FSTL4: variants seen among roughly 807,000 people sequenced by gnomAD.
The protein encoded by FSTL4 is follistatin like 4.
FSTL4 carries 28 observed loss-of-function variants against 78.2 expected under a neutral mutation model. That is an observed-to-expected ratio of 0.36 (90% CI 0.27 to 0.49). The LOEUF (loss-of-function observed/expected upper bound fraction) is 0.49. FSTL4 is among the 20% of genes least tolerant of loss of function. The pLI, the probability that FSTL4 is intolerant of heterozygous loss-of-function variation, is 0.98. For synonymous variants in FSTL4, 422 were observed against 440.5 expected (o/e 0.96, Z 0.53); for missense variants, 922 against 1,084.9 (o/e 0.85, Z 2.11).
At chr5:133,516,032 G>A (rs980546761) in intron 3 of FSTL4, among the ~76,000 whole-genome samples, 2 of 151,978 alleles carry the variant, frequency 1.3e-5, no homozygotes, top group African/African-American at 4.8e-5. Context: ...ATCAAACCTA[G>A]CGCTATTTTT....
At chr5:133,255,432 C>T (rs567175837) in intron 6 of FSTL4, among the ~76,000 whole-genome samples, 1 of 152,328 alleles carries the variant, frequency 6.6e-6, no homozygotes, top group African/African-American at 2.4e-5. Flanking sequence ...CCCATGATAT[C>T]CCCCTGGGAT....
intron 3 of FSTL4, among the ~76,000 whole-genome samples, chr5:133,495,189 G>A (rs776955073): frequency 1.2e-4 from 19 of 152,182 alleles, no homozygotes; most frequent in Admixed American, 3.9e-4. Context: ...TATGAGAGAT[G>A]GGAGAATCGT....
chr5:133,350,876 A>G (rs1299804268), intron 4 of FSTL4, among the ~76,000 whole-genome samples: 3 of 152,208 alleles, frequency 2.0e-5, no homozygotes, highest in East Asian at 3.8e-4. Flanking sequence ...GAAATTTCAC[A>G]TAACACTTCT....
At chr5:133,532,408 A>G (rs1423885727) in intron 3 of FSTL4, among the ~76,000 whole-genome samples, 2 of 152,218 alleles carry the variant, frequency 1.3e-5, no homozygotes, top group Non-Finnish European at 2.9e-5. Flanking sequence ...TATGTTCAAT[A>G]TCATCTCCAG....
the FSTL4 span, among the ~76,000 whole-genome samples, chr5:133,634,783 T>C: frequency 6.6e-6 from 1 of 152,186 alleles, no homozygotes; most frequent in African/African-American, 2.4e-5. Context: ...AATAACTACA[T>C]GATAAGGTTC....
At chr5:133,591,753 G>A (rs1393217512) in intron 2 of FSTL4, among the ~76,000 whole-genome samples, 1 of 152,104 alleles carries the variant, frequency 6.6e-6, no homozygotes, top group African/African-American at 2.4e-5. Flanking sequence ...ACCAGTCTCT[G>A]GAGAGAACAG....
the FSTL4 span, among the ~76,000 whole-genome samples, chr5:133,728,429 C>A: frequency 2.0e-5 from 3 of 152,140 alleles, no homozygotes; most frequent in Non-Finnish European, 4.4e-5. Context: ...TCAGAAGTAC[C>A]CACACTAGCA....
chr5:133,662,979 AG>A, the FSTL4 span, among the ~76,000 whole-genome samples: 1 of 150,048 alleles, frequency 6.7e-6, no homozygotes, highest in African/African-American at 2.5e-5. Context: ...TTAAAAAAAA[AG>A]GCAGTCTCAA....
At chr5:133,632,423 T>C in the FSTL4 span, among the ~76,000 whole-genome samples, 1 of 152,232 alleles carries the variant, frequency 6.6e-6, no homozygotes, top group Non-Finnish European at 1.5e-5. Context: ...TTTTTCTTCT[T>C]TCTCAATGTT....
chr5:133,733,678 C>T, the FSTL4 span, among the ~76,000 whole-genome samples: 12 of 152,212 alleles, frequency 7.9e-5, no homozygotes, highest in Non-Finnish European at 1.6e-4. Context: ...AGTTATCTAT[C>T]ACTGCATGAC....
At chr5:133,538,766 TTTA>T (rs1561461793) in intron 3 of FSTL4, among the ~76,000 whole-genome samples, 1 of 152,178 alleles carries the variant, frequency 6.6e-6, no homozygotes, top group African/African-American at 2.4e-5. Context: ...CAACACTTAT[TTTA>T]TTATCTTTCA....
intron 3 of FSTL4, among the ~76,000 whole-genome samples, chr5:133,559,747 C>T (rs1759873366): frequency 6.6e-6 from 1 of 152,214 alleles, no homozygotes; most frequent in African/African-American, 2.4e-5. Flanking sequence ...AGAGGTTTAG[C>T]TCATGTGCAT....
intron 4 of FSTL4, among the ~76,000 whole-genome samples, chr5:133,326,398 G>A (rs911078942): frequency 3.3e-5 from 5 of 152,310 alleles, no homozygotes; most frequent in East Asian, 1.9e-4. Context: ...ACTGGAAGTC[G>A]TGCCACTTGG....
chr5:133,524,454 C>G (rs1759048656), intron 3 of FSTL4, among the ~76,000 whole-genome samples: 1 of 152,170 alleles, frequency 6.6e-6, no homozygotes, highest in Admixed American at 6.5e-5. Flanking sequence ...GCGGTGTCAA[C>G]TCTGAGGAGT....
At chr5:133,782,682 A>T in the FSTL4 span, among the ~76,000 whole-genome samples, 1 of 152,228 alleles carries the variant, frequency 6.6e-6, no homozygotes, top group Non-Finnish European at 1.5e-5. Flanking sequence ...TCTCTGTGAC[A>T]CTTAAACATG....
the FSTL4 span, among the ~76,000 whole-genome samples, chr5:133,817,009 C>T: frequency 6.6e-6 from 1 of 152,246 alleles, no homozygotes; most frequent in African/African-American, 2.4e-5. Flanking sequence ...GATACCCAGG[C>T]CCAGGCCCAC....
intron 13 of FSTL4, among the ~76,000 whole-genome samples, chr5:133,210,617 C>T (rs541527147): frequency 1.3e-5 from 2 of 152,102 alleles, no homozygotes; most frequent in South Asian, 2.1e-4. Context: ...CTCAGCCTCC[C>T]GAGTAGCTGG....
chr5:133,199,464 G>T lies in FSTL4; in HGVS notation c.2160C>A (p.Gly720=). ...GCAGGTCATACAGGGTCTGGATCTC[G>T]CCCCGCACTGTGATCTCCTGCACGT... ...WLHVQEITVR[G]EIQTLYDLQI... Residue 720 remains glycine (G), a synonymous_variant, in exon 16 of 16, where the codon GGC becomes GGA. Coordinates refer to ENST00000265342, the MANE Select transcript of FSTL4 (RefSeq NM_015082.2). The surrounding 1 kb of genome is among the most constrained non-coding windows in gnomAD (Gnocchi z 4.4). 1 of 1,614,178 alleles carries T rather than the reference G, an allele frequency of 6.2e-7. No individual in the cohort carries two copies. Among genetic ancestry groups the T allele is most frequent in the Non-Finnish European group, 8.5e-7 (1 of 1,180,004 alleles).
intron 6 of FSTL4, among the ~76,000 whole-genome samples, chr5:133,262,616 T>C (rs1035607909): frequency 6.6e-6 from 1 of 152,240 alleles, no homozygotes; most frequent in East Asian, 1.9e-4. Flanking sequence ...CTCTGGTCTT[T>C]GCTGCAGGCT....
Sources: allele counts gnomAD v4.1 joint callset (sites outside exome capture counted in the v4.1 genomes callset), GRCh38; gene constraint gnomAD v4.1.1; non-coding constraint Gnocchi (gnomAD v3.1); transcripts MANE v1.5; gene names NCBI Gene and HGNC (gene_info 2026-07-23, HGNC 2026-07-21).